MAGI2: variants seen among roughly 807,000 people sequenced by gnomAD.
MAGI2 encodes membrane associated guanylate kinase, WW and PDZ domain containing 2, also known as membrane-associated guanylate kinase, WW and PDZ domain-containing protein 2.
A neutral mutation model predicts 133.3 loss-of-function variants in MAGI2; 35 were observed. The ratio of observed to expected loss-of-function variants is 0.26; its 90% CI spans 0.20 to 0.35. MAGI2 has a LOEUF of 0.35. MAGI2 is among the 10% of genes least tolerant of loss of function. The probability of loss-of-function intolerance (pLI) is 1.00; values close to 1 mark genes in which losing one functional copy is unlikely to be tolerated. For synonymous variants in MAGI2, 729 were observed against 710.6 expected (o/e 1.03, Z -0.41); for missense variants, 1,636 against 1,863.4 (o/e 0.88, Z 2.25).
At chr7:78,198,408 C>A (rs7778457) in intron 11 of MAGI2, among the ~76,000 whole-genome samples, 51,093 of 148,088 alleles carry the variant, frequency 0.35, 10,291 homozygotes, top group Non-Finnish European at 0.45. Context: ...AAACAGAACA[C>A]TCTGTTCATG....
rs532594466 is a variant in MAGI2 at position 78,769,302 on chromosome 7, G to A, written c.419-142063C>T. 8.2e-4 allele frequency among the ~76,000 whole-genome samples: 125 copies of A among 151,688 alleles called. 1 individual carries two copies. In the South Asian group the frequency reaches 0.014, roughly 17 times the overall value. The stretch of plus-strand genomic sequence containing the variant: ...TGTCAGCCCTCCCGAAAGTCCAAAT[G>A]TAAGCTGCCACACATGCATGGGTCT... On this transcript the variant is annotated intron_variant, in intron 2 of 21. Coordinates refer to ENST00000354212, the MANE Select transcript of MAGI2 (RefSeq NM_012301.4).
intron 20 of MAGI2, among the ~76,000 whole-genome samples, chr7:78,116,363 A>AC (rs937775629): frequency 6.6e-6 from 1 of 151,706 alleles, no homozygotes; most frequent in Non-Finnish European, 1.5e-5. Context: ...CTTAGGAAAA[A>AC]AAAAAAAGAA....
intron 1 of MAGI2, among the ~76,000 whole-genome samples, chr7:79,060,589 T>A (rs982249059): frequency 6.6e-6 from 1 of 152,008 alleles, no homozygotes; most frequent in Admixed American, 6.6e-5. Context: ...AAGCAGAAAT[T>A]AAGAGGAAGC....
At chr7:79,060,300 G>A (rs896010209) in intron 1 of MAGI2, among the ~76,000 whole-genome samples, 8 of 151,896 alleles carry the variant, frequency 5.3e-5, no homozygotes, top group African/African-American at 1.9e-4. Context: ...GAATGGAAAA[G>A]TACATACAAT....
At chr7:79,124,460 A>G (rs1562916468) in intron 1 of MAGI2, among the ~76,000 whole-genome samples, 1 of 152,192 alleles carries the variant, frequency 6.6e-6, no homozygotes, top group Non-Finnish European at 1.5e-5. Flanking sequence ...ACAGAGCCAG[A>G]AGAGGAAAAC....
chr7:79,353,693 T>C (rs1841834520), intron 1 of MAGI2: 1 of 311,912 alleles, frequency 3.2e-6, no homozygotes, highest in South Asian at 2.7e-5. Context: ...TGCAGCCTGG[T>C]CACCATGTTG....
chr7:79,355,694 AAGAT>A (rs1339077307), intron 1 of MAGI2, among the ~76,000 whole-genome samples: 1 of 152,326 alleles, frequency 6.6e-6, no homozygotes, highest in African/African-American at 2.4e-5. Context: ...AGACAGATAG[AAGAT>A]AGATAGAGTT....
chr7:78,126,019 A>C (rs1341774755), intron 19 of MAGI2, among the ~76,000 whole-genome samples, 182 bp from the exon 20 acceptor site: 1 of 152,210 alleles, frequency 6.6e-6, no homozygotes, highest in Non-Finnish European at 1.5e-5. Flanking sequence ...CAAAGGTTTG[A>C]GCAGGCCAGA....
intron 2 of MAGI2, among the ~76,000 whole-genome samples, chr7:78,917,382 G>A (rs1438428868): frequency 6.6e-6 from 1 of 151,998 alleles, no homozygotes; most frequent in Non-Finnish European, 1.5e-5. Context: ...ACACAGGTAA[G>A]GGTTGAATGT....
chr7:79,107,330 C>A (rs1335524038), intron 1 of MAGI2, among the ~76,000 whole-genome samples: 1 of 152,172 alleles, frequency 6.6e-6, no homozygotes, highest in Non-Finnish European at 1.5e-5. Context: ...CTCCAGCCAA[C>A]AGCCAGCAAG....
intron 21 of MAGI2, among the ~76,000 whole-genome samples, chr7:78,077,784 T>C (rs375713403): frequency 1.3e-4 from 18 of 138,260 alleles, no homozygotes; most frequent in African/African-American, 4.5e-4. Context: ...GACTGGAGTG[T>C]AATGGTGTGG....
chr7:78,491,408 C>T (rs1213421231), intron 5 of MAGI2, among the ~76,000 whole-genome samples: 3 of 152,042 alleles, frequency 2.0e-5, no homozygotes, highest in Admixed American at 2.0e-4. Flanking sequence ...GTTTCTGCTC[C>T]TGAAGAAGAC....
chr7:79,192,494 C>A (rs978803329), intron 1 of MAGI2, among the ~76,000 whole-genome samples: 1 of 151,756 alleles, frequency 6.6e-6, no homozygotes, highest in Non-Finnish European at 1.5e-5. Flanking sequence ...GGACTGGGAT[C>A]TACAATTGTA....
At chr7:78,788,539 A>ATTT (rs1223541833) in intron 2 of MAGI2, among the ~76,000 whole-genome samples, 1 of 144,910 alleles carries the variant, frequency 6.9e-6, no homozygotes. Flanking sequence ...GGATCTCTTC[A>ATTT]TTTTTTTTTA....
intron 18 of MAGI2, among the ~76,000 whole-genome samples, chr7:78,131,264 C>T (rs1380043952): frequency 6.6e-6 from 1 of 152,230 alleles, no homozygotes; most frequent in Non-Finnish European, 1.5e-5. Context: ...ATTCTCACCT[C>T]TGCATCATTT....
chr7:79,341,385 C>T (rs958638551), intron 1 of MAGI2, among the ~76,000 whole-genome samples: 5 of 150,446 alleles, frequency 3.3e-5, no homozygotes, highest in Admixed American at 2.0e-4. Flanking sequence ...GTAGAAATAA[C>T]GAGTTGTGTT....
At chr7:78,854,005 A>G (rs1793410826) in intron 2 of MAGI2, among the ~76,000 whole-genome samples, 1 of 152,060 alleles carries the variant, frequency 6.6e-6, no homozygotes, top group African/African-American at 2.4e-5. Context: ...TATCCAAACA[A>G]GATAGAAATA....
At chr7:78,405,667 T>C (rs1180559939) in intron 6 of MAGI2, among the ~76,000 whole-genome samples, 1 of 152,070 alleles carries the variant, frequency 6.6e-6, no homozygotes, top group Non-Finnish European at 1.5e-5. Flanking sequence ...ACCAAAAATA[T>C]TCTTATTTGG....
At chr7:79,357,125 T>A (rs1842074691) in intron 1 of MAGI2, among the ~76,000 whole-genome samples, 1 of 152,196 alleles carries the variant, frequency 6.6e-6, no homozygotes, top group African/African-American at 2.4e-5. Flanking sequence ...TGTTTAACTG[T>A]TCAAACAGTA....
Sources: allele counts gnomAD v4.1 joint callset (sites outside exome capture counted in the v4.1 genomes callset), GRCh38; gene constraint gnomAD v4.1.1; transcripts MANE v1.5; gene names NCBI Gene and HGNC (gene_info 2026-07-23, HGNC 2026-07-21).